GSDME: variants seen among roughly 807,000 people sequenced by gnomAD.
The protein encoded by GSDME is gasdermin E.
In GSDME, 44 loss-of-function variants were observed where a neutral mutation model predicts 47.5. The ratio of observed to expected loss-of-function variants is 0.93; its 90% confidence interval spans 0.73 to 1.19. The LOEUF is 1.19. Among genes scored for constraint, GSDME ranks in the 50% most tolerant of loss-of-function variants. The probability of loss-of-function intolerance (pLI) is 0.00; values close to 1 mark genes in which losing one functional copy is unlikely to be tolerated. For synonymous variants in GSDME, 258 were observed against 252.8 expected, an observed-to-expected ratio of 1.02 and a Z score of -0.20; for missense variants, 663 against 604.2, an observed-to-expected ratio of 1.10 and a Z score of -1.02.
At chr7:24,701,840 ATGCCATGCTGCATAGTCTTCTAATGTCTT>A (rs947008956) in intron 9 of GSDME, among the ~76,000 whole-genome samples, 2 of 152,168 alleles carry the variant, frequency 1.3e-5, no homozygotes, top group Admixed American at 1.3e-4. Context: ...CCTTGGAATG[ATGCCATGCTGCATAGTCTTCTAATGTCTT>A]TGCTATGCAC....
At position 24,700,838 on chromosome 7, in the gene GSDME, C is replaced by T. The variant is rs114683734; in HGVS notation, c.1258-1579G>A. 6.0e-3 allele frequency among the ~76,000 whole-genome samples: 917 copies of T among 152,332 alleles called. 9 individuals carry two copies. Among genetic ancestry groups the T allele is most frequent in the African/African-American group, 0.02 (841 of 41,566 alleles). On this transcript the variant is annotated intron_variant, in intron 9 of 9. Coordinates refer to ENST00000645220, the MANE Select transcript of GSDME (RefSeq NM_001127453.2). ...GGCGCAGGCTGGAGACTGTCAACAG[C>T]ATGGCAGGCTCCCTGTCCTTACCAC...
chr7:24,727,056 G>T (rs938915010), intron 3 of GSDME, among the ~76,000 whole-genome samples: 55 of 152,206 alleles, frequency 3.6e-4, no homozygotes, highest in African/African-American at 1.2e-3. Context: ...GTAGGAAAAG[G>T]ATTCTAAGGC....
chr7:24,729,734 G>A (rs1441865949), intron 3 of GSDME, among the ~76,000 whole-genome samples: 2 of 152,192 alleles, frequency 1.3e-5, no homozygotes, highest in Non-Finnish European at 2.9e-5. Context: ...AGGATGTGAG[G>A]GCAACTGGTG....
Position 24,724,541 on chromosome 7 carries a change from A to C in GSDME, c.405-5323T>G, listed in dbSNP as rs898116935. 6.6e-6 allele frequency: 1 copy of C among 152,354 alleles called. No individual in the cohort carries two copies. Among genetic ancestry groups the C allele is most frequent in the Admixed American group, 6.5e-5 (1 of 15,284 alleles). The allele number at this position is 152,354 out of a possible 1,614,324, so 9.4% of individuals were successfully genotyped here. A position where few individuals can be genotyped will look rare whatever the true frequency, so the allele number is the denominator to read the frequency against. ...TGAGGCAGAGGCGTATATCCTCAAC[A>C]GAAAGGGCCAGCCCCAAAGGAGCAA... On this transcript the variant is annotated intron_variant, in intron 3 of 9. Transcript: ENST00000645220. The surrounding 1 kb of genome is among the most constrained non-coding windows in gnomAD (Gnocchi z 4.8).
the GSDME span, among the ~76,000 whole-genome samples, chr7:24,788,801 C>T: frequency 2.4e-4 from 36 of 152,224 alleles, no homozygotes; most frequent in African/African-American, 8.7e-4. This position sits in a 1 kb window ranked among gnomAD's most constrained non-coding sequence, Gnocchi z 4.6. Context: ...TACTTTAGTG[C>T]CCATAACACA....
At position 24,736,451 on chromosome 7, in the gene GSDME, G is replaced by A. The variant is rs1790309815; in HGVS notation, c.404+8111C>T. ...GAAGGTTACTATATAATGATAAAGG[G>A]GTCAATTCAGCAAGAGGATATAACA... On this transcript the variant is annotated intron_variant, in intron 3 of 9. Transcript: ENST00000645220. This position sits in a 1 kb window ranked among gnomAD's most constrained non-coding sequence, Gnocchi z 4.6. Among the ~76,000 whole-genome samples the A allele has an allele frequency of 1.3e-5, 2 of 151,992 alleles. No homozygotes were observed. The highest frequency in any genetic ancestry group is 6.6e-5 in the Admixed American group (1 of 15,256).
At position 24,757,063 on chromosome 7, in the gene GSDME, C is replaced by A. The variant is rs2128069164; in HGVS notation, c.-20+333G>T. 6.6e-6 allele frequency among the ~76,000 whole-genome samples: 1 copy of A among 152,218 alleles called. No individual in the cohort carries two copies. Among genetic ancestry groups the A allele is most frequent in the East Asian group, 1.9e-4 (1 of 5,160 alleles). The stretch of plus-strand genomic sequence containing the variant: ...TGGGGGGTTGGGAGAACGAAAATAC[C>A]AGCTGCGCTTCCAACATCCAAGGAA... On this transcript the variant is annotated intron_variant, in intron 1 of 9. Coordinates refer to ENST00000645220, the MANE Select transcript of GSDME (RefSeq NM_001127453.2). This position sits in a 1 kb window ranked among gnomAD's most constrained non-coding sequence, Gnocchi z 5.9.
At position 24,719,086 on chromosome 7, in the gene GSDME, C is replaced by G; in HGVS notation, c.537G>C (p.Lys179Asn). ...TCTGGATGCCCACGATGCCACCACA[C>G]TTCTCCTCGACCTGCATGTGCTCAG... ...VISEHMQVEE[K>N]CGGIVGIQTK... The change falls in exon 4 of 10, where the codon AAG (lysine) becomes AAC (asparagine). Residue 179 changes from lysine to asparagine, a missense_variant. Transcript: ENST00000645220. 6.2e-7 allele frequency: 1 copy of G among 1,613,540 alleles called. No individual in the cohort carries two copies. The highest frequency in any genetic ancestry group is 8.5e-7 in the Non-Finnish European group (1 of 1,180,044).
chr7:24,750,577 TACTCCAGTCTGGGTG>T (rs1472111732), intron 1 of GSDME, among the ~76,000 whole-genome samples: 1 of 152,218 alleles, frequency 6.6e-6, no homozygotes, highest in East Asian at 1.9e-4. Flanking sequence ...CACGTCACCA[TACTCCAGTCTGGGTG>T]ACAGTGCAAG....
the GSDME span, among the ~76,000 whole-genome samples, chr7:24,778,925 T>C: frequency 6.6e-6 from 1 of 152,192 alleles, no homozygotes; most frequent in South Asian, 2.1e-4. This position sits in a 1 kb window ranked among gnomAD's most constrained non-coding sequence, Gnocchi z 5.6. Flanking sequence ...GCTGCCATAG[T>C]ACTGAACAGA....
intron 6 of GSDME, 52 bp from the exon 7 acceptor site, chr7:24,708,306 A>C (rs1789205294): frequency 1.2e-6 from 2 of 1,609,794 alleles, no homozygotes; most frequent in Non-Finnish European, 1.7e-6. Context: ...ACATCTCACG[A>C]CGTCGGACAG....
At chr7:24,729,276 ATG>A (rs1454560705) in intron 3 of GSDME, among the ~76,000 whole-genome samples, 2 of 152,244 alleles carry the variant, frequency 1.3e-5, no homozygotes, top group Non-Finnish European at 2.9e-5. Flanking sequence ...CGGAAAAATC[ATG>A]TGTTTAGTGA....
Position 24,719,223 on chromosome 7 carries a change from AAAAG to A in GSDME, c.405-9_405-6del, listed in dbSNP as rs1789686322. Reference sequence around the variant, plus strand: ...GGGTTTCTCAGATTTATTGTTCTGAAAAAGAAAAACGGATGTGAGTGGCTTAGTG... The same window carrying A: ...GGGTTTCTCAGATTTATTGTTCTGAAAAAAACGGATGTGAGTGGCTTAGTG... On this transcript the variant is annotated splice_region_variant and splice_polypyrimidine_tract_variant and intron_variant, in intron 3 of 9. Transcript: ENST00000645220. 5 of 1,609,790 alleles carry A rather than the reference AAAAG, an allele frequency of 3.1e-6. No homozygotes were observed. The East Asian group carries it at 1.1e-4, about 36-fold the overall frequency.
intron 7 of GSDME, 34 bp downstream of exon 7, chr7:24,708,081 AGAAAACCCCAGT>A (rs1789190030): frequency 6.2e-7 from 1 of 1,611,208 alleles, no homozygotes; most frequent in African/African-American, 1.3e-5. Flanking sequence ...CCCCTGTTCC[AGAAAACCCCAGT>A]GAAAACACTG....
the GSDME span, among the ~76,000 whole-genome samples, chr7:24,785,645 TG>T: frequency 1.3e-5 from 2 of 152,198 alleles, no homozygotes; most frequent in Non-Finnish European, 2.9e-5. Context: ...TTAGCAGAGA[TG>T]GGGTTTCACC....
chr7:24,704,209 G>C (rs1789000812), intron 8 of GSDME: 1 of 152,166 alleles, frequency 6.6e-6, no homozygotes, highest in South Asian at 2.1e-4. Context: ...AATGTTTCTT[G>C]AACTGAAATT....
rs115431921 is a variant in GSDME at position 24,714,441 on chromosome 7, A to G, written c.697+2813T>C. Among the ~76,000 whole-genome samples the G allele has an allele frequency of 3.8e-3, 574 of 152,242 alleles. 4 individuals carry two copies. Among genetic ancestry groups the G allele is most frequent in the African/African-American group, 0.013 (545 of 41,534 alleles). ...AGAAAACGGATGGGCAAAAAAAAGAAAAGAAATAGCAGAACTGGTTTAAAA... is the reference window on the plus strand; with the variant it reads ...AGAAAACGGATGGGCAAAAAAAAGAGAAGAAATAGCAGAACTGGTTTAAAA... On this transcript the variant is annotated intron_variant, in intron 5 of 9. Coordinates refer to ENST00000645220, the MANE Select transcript of GSDME (RefSeq NM_001127453.2). The surrounding 1 kb of genome is among the most constrained non-coding windows in gnomAD (Gnocchi z 5.0).
At chr7:24,774,367 A>G in the GSDME span, among the ~76,000 whole-genome samples, 124 of 129,012 alleles carry the variant, frequency 9.6e-4, no homozygotes, top group African/African-American at 3.6e-3. Context: ...CTTCCTGTCC[A>G]TCTTTCACCT....
In GSDME at chr7:24,732,933, C is replaced by T. The variant is rs906904599; in HGVS notation, c.404+11629G>A. On this transcript the variant is annotated intron_variant, in intron 3 of 9. Coordinates refer to ENST00000645220, the MANE Select transcript of GSDME (RefSeq NM_001127453.2). This position sits in a 1 kb window ranked among gnomAD's most constrained non-coding sequence, Gnocchi z 4.8. Reference sequence around the variant, plus strand: ...GGTGGGTACACAACCTACTGAGACACCAGCCAGGGTGGCTAAGGGAGTACT... The same window carrying T: ...GGTGGGTACACAACCTACTGAGACATCAGCCAGGGTGGCTAAGGGAGTACT... 6.6e-6 allele frequency among the ~76,000 whole-genome samples: 1 copy of T among 152,076 alleles called. No homozygotes were observed. The highest frequency in any genetic ancestry group is 2.4e-5 in the African/African-American group (1 of 41,388).
Sources: allele counts gnomAD v4.1 joint callset (sites outside exome capture counted in the v4.1 genomes callset), GRCh38; gene constraint gnomAD v4.1.1; non-coding constraint Gnocchi (gnomAD v3.1); transcripts MANE v1.5; gene names NCBI Gene and HGNC (gene_info 2026-07-23, HGNC 2026-07-21).